DOCK1: variants seen among roughly 807,000 people sequenced by gnomAD.
The protein encoded by DOCK1 is dedicator of cytokinesis protein 1.
A neutral mutation model predicts 262.7 loss-of-function variants in DOCK1; 138 were observed. That is an observed-to-expected ratio of 0.53 (90% CI 0.46 to 0.61). DOCK1 has a LOEUF of 0.61. Ranked by LOEUF, DOCK1 falls within the 20% of genes least tolerant of loss-of-function variation. The pLI, the probability that DOCK1 is intolerant of heterozygous loss-of-function variation, is 0.00. For missense variants in DOCK1, 1,908 were observed against 2,370.7 expected, an observed-to-expected ratio of 0.80 and a Z score of 4.05; for synonymous variants, 866 against 867.4, an observed-to-expected ratio of 1.00 and a Z score of 0.03.
chr10:127,139,068 C>T (rs150888179), intron 27 of DOCK1, among the ~76,000 whole-genome samples: 144 of 152,290 alleles, frequency 9.5e-4, no homozygotes, highest in African/African-American at 3.2e-3. Context: ...GGGAGGATTC[C>T]GCTCTGTCCT....
chr10:127,361,404 A>T (rs145512244), intron 32 of DOCK1, among the ~76,000 whole-genome samples: 3 of 152,126 alleles, frequency 2.0e-5, no homozygotes, highest in Non-Finnish European at 4.4e-5. Context: ...GTGAGCCACC[A>T]CACCCGGCCT....
intron 32 of DOCK1, among the ~76,000 whole-genome samples, chr10:127,354,928 TG>T (rs1484922453): frequency 6.6e-6 from 1 of 152,154 alleles, no homozygotes; most frequent in African/African-American, 2.4e-5. Flanking sequence ...ATCTCACGGG[TG>T]GGGCAAAAAG....
At chr10:126,922,207 A>C (rs12267461) in intron 1 of DOCK1, among the ~76,000 whole-genome samples, 1 of 114,614 alleles carries the variant, frequency 8.7e-6, no homozygotes. Context: ...ACGACCCTGT[A>C]TCAAAAAAAA....
At chr10:127,228,177 C>T (rs1441418362) in intron 27 of DOCK1, among the ~76,000 whole-genome samples, 3 of 152,090 alleles carry the variant, frequency 2.0e-5, no homozygotes, top group Non-Finnish European at 4.4e-5. Flanking sequence ...CAAAAACAAG[C>T]CATATTTGCC....
intron 1 of DOCK1, among the ~76,000 whole-genome samples, chr10:126,948,975 C>A (rs1301564101): frequency 6.6e-6 from 1 of 152,112 alleles, no homozygotes; most frequent in Non-Finnish European, 1.5e-5. Context: ...TTTCAGTGGC[C>A]CGGGCCCACC....
At chr10:127,238,119 C>T (rs2059136862) in intron 27 of DOCK1, among the ~76,000 whole-genome samples, 1 of 152,186 alleles carries the variant, frequency 6.6e-6, no homozygotes, top group Admixed American at 6.5e-5. Flanking sequence ...ATTATGATGC[C>T]TATGAAAATG....
chr10:127,351,597 C>A (rs912306975), intron 31 of DOCK1, among the ~76,000 whole-genome samples: 2 of 152,032 alleles, frequency 1.3e-5, no homozygotes, highest in Non-Finnish European at 1.5e-5. Context: ...TAGTGCAGTC[C>A]CCTTGGCTGT....
At chr10:127,093,042 T>G (rs1033460415) in intron 23 of DOCK1, among the ~76,000 whole-genome samples, 1 of 152,018 alleles carries the variant, frequency 6.6e-6, no homozygotes, top group Non-Finnish European at 1.5e-5. Flanking sequence ...CTCTGAAGGC[T>G]CTAGAAGGCT....
chr10:127,165,614 A>C (rs914980285), intron 27 of DOCK1, among the ~76,000 whole-genome samples: 6 of 152,178 alleles, frequency 3.9e-5, no homozygotes, highest in Admixed American at 1.3e-4. Context: ...GCAGTATCAA[A>C]TGTTTGTTGT....
intron 4 of DOCK1, among the ~76,000 whole-genome samples, chr10:126,983,424 C>T (rs1382162037): frequency 6.6e-6 from 1 of 152,192 alleles, no homozygotes; most frequent in Non-Finnish European, 1.5e-5. Flanking sequence ...TTTCATCCCA[C>T]CTCTGCCTGC....
chr10:127,198,327 A>C (rs1471146538), intron 27 of DOCK1, among the ~76,000 whole-genome samples: 1 of 152,202 alleles, frequency 6.6e-6, no homozygotes, highest in Non-Finnish European at 1.5e-5. Context: ...TGTAAATCTT[A>C]CTTTATTGGC....
intron 1 of DOCK1, among the ~76,000 whole-genome samples, chr10:126,936,621 G>C (rs1241977858): frequency 6.6e-6 from 1 of 152,140 alleles, no homozygotes; most frequent in Non-Finnish European, 1.5e-5. Context: ...CTCTGGTATT[G>C]GTTCAAAGTA....
At chr10:127,217,188 C>G (rs1048182755) in intron 27 of DOCK1, among the ~76,000 whole-genome samples, 4 of 152,198 alleles carry the variant, frequency 2.6e-5, no homozygotes, top group Non-Finnish European at 5.9e-5. Context: ...CTTGCAAACA[C>G]CCTCTTATTT....
At chr10:126,946,910 G>A (rs1263604061) in intron 1 of DOCK1, among the ~76,000 whole-genome samples, 1 of 152,154 alleles carries the variant, frequency 6.6e-6, no homozygotes, top group Non-Finnish European at 1.5e-5. Context: ...CCCATCTCAC[G>A]GTCACAGCGG....
intron 12 of DOCK1, among the ~76,000 whole-genome samples, chr10:127,017,139 A>G (rs2042023914): frequency 8.5e-6 from 1 of 117,592 alleles, no homozygotes; most frequent in South Asian, 3.0e-4. Context: ...AGACATACAC[A>G]CACAGATACA....
At position 127,203,428 on chromosome 10, in the gene DOCK1, G is replaced by A. The variant is rs188544701; in HGVS notation, c.2848-44580G>A. Among the ~76,000 whole-genome samples, 41 of 152,222 alleles carry A rather than the reference G, an allele frequency of 2.7e-4. No homozygotes were observed. In the East Asian group the frequency reaches 7.1e-3, roughly 26 times the overall value. On this transcript the variant is annotated intron_variant, in intron 27 of 51. Coordinates refer to ENST00000623213, the MANE Select transcript of DOCK1 (RefSeq NM_001290223.2). ...TGCAATAAATTATTTTGCTAGTTTG[G>A]TCTAAGAATTGACGACCTGACTTTA...
At chr10:127,242,931 C>A (rs1167309601) in intron 27 of DOCK1, among the ~76,000 whole-genome samples, 1 of 152,082 alleles carries the variant, frequency 6.6e-6, no homozygotes, top group African/African-American at 2.4e-5. Flanking sequence ...TCCTGTGTCT[C>A]TGTTTACAGC....
intron 49 of DOCK1, among the ~76,000 whole-genome samples, chr10:127,443,165 G>A (rs974207672): frequency 2.0e-5 from 3 of 152,092 alleles, no homozygotes; most frequent in African/African-American, 4.8e-5. Flanking sequence ...TCATCTTCAC[G>A]TTGTGCCCTC....
At chr10:127,310,065 G>A (rs1304653566) in intron 29 of DOCK1, among the ~76,000 whole-genome samples, 1 of 152,060 alleles carries the variant, frequency 6.6e-6, no homozygotes, top group African/African-American at 2.4e-5. Flanking sequence ...AGTAGAGACA[G>A]GGTTTCACCA....
Sources: allele counts gnomAD v4.1 joint callset (sites outside exome capture counted in the v4.1 genomes callset), GRCh38; gene constraint gnomAD v4.1.1; transcripts MANE v1.5; gene names NCBI Gene and HGNC (gene_info 2026-07-23, HGNC 2026-07-21).